Variants in KCNT1 observed in about 807,000 individuals in gnomAD.
The protein encoded by KCNT1 is potassium channel subfamily T member 1.
In KCNT1, 78 loss-of-function variants were observed where a neutral mutation model predicts 147.8. The ratio of observed to expected loss-of-function variants is 0.53; its 90% CI spans 0.44 to 0.64. The LOEUF (loss-of-function observed/expected upper bound fraction) is 0.64, where lower values mean the gene tolerates loss of function less well. Among genes scored for constraint, KCNT1 ranks in the 30% least tolerant of loss-of-function variants. The pLI is 0.00. For missense variants in KCNT1, 1,419 were observed against 1,750.3 expected (o/e 0.81, Z 3.38); for synonymous variants, 867 against 748.8 (o/e 1.16, Z -2.58).
At chr9:135,703,373 G>A (rs1033694992) in intron 1 of KCNT1, among the ~76,000 whole-genome samples, 6 of 152,302 alleles carry the variant, frequency 3.9e-5, no homozygotes, top group East Asian at 3.9e-4. Flanking sequence ...CAGTTTCCCC[G>A]AGTGTAAAAT....
chr9:135,723,357 A>C (rs1344333465), intron 2 of KCNT1, among the ~76,000 whole-genome samples: 1 of 152,194 alleles, frequency 6.6e-6, no homozygotes, highest in Non-Finnish European at 1.5e-5. Context: ...GTTCCAGGAG[A>C]TATCGTCCAT....
chr9:135,749,406 C>A (rs868185274), intron 2 of KCNT1, among the ~76,000 whole-genome samples: 13 of 152,316 alleles, frequency 8.5e-5, no homozygotes, highest in African/African-American at 2.6e-4. Flanking sequence ...GGGTGGTAGG[C>A]CCCATGAGCA....
At chr9:135,760,728 C>T (rs184682255) in intron 11 of KCNT1, among the ~76,000 whole-genome samples, 15 of 152,360 alleles carry the variant, frequency 9.8e-5, no homozygotes, top group African/African-American at 3.6e-4. Flanking sequence ...AGCTGTGGCA[C>T]CAGCTGTACG....
At position 135,726,276 on chromosome 9, in the gene KCNT1, C is replaced by T. The variant is rs905696202; in HGVS notation, c.254+11556C>T. On this transcript the variant is annotated intron_variant, in intron 2 of 30. Transcript: ENST00000371757. ...TACGTGGCACAGGGCCAGCAGCCCC[C>T]GGGGGAGACTCCCGGCCTGCAGGGC... Among the ~76,000 whole-genome samples the T allele has an allele frequency of 8.5e-5, 13 of 152,106 alleles. No homozygotes were observed. In the South Asian group the frequency reaches 1.0e-3, roughly 12 times the overall value.
intron 29 of KCNT1, 143 bp from the exon 30 acceptor site, chr9:135,791,654 A>C (rs1253991937): frequency 6.9e-6 from 5 of 720,178 alleles, no homozygotes; most frequent in Non-Finnish European, 1.2e-5. Context: ...GGCTGGGCTC[A>C]CCAGGATGAG....
rs1334299831 is a variant in KCNT1 at position 135,714,908 on chromosome 9, G to A, written c.254+188G>A. Among the ~76,000 whole-genome samples, 1 of 152,222 alleles carries A rather than the reference G, an allele frequency of 6.6e-6. No individual in the cohort carries two copies. The highest frequency in any genetic ancestry group is 2.4e-5 in the African/African-American group (1 of 41,464). ...CGGGCAGGGGGAAGCATCTTCTCGG[G>A]AGGGGGTCTCCGGAGGAGGGCGCGG... On this transcript the variant is annotated intron_variant, in intron 2 of 30. Transcript: ENST00000371757. The surrounding 1 kb of genome is among the most constrained non-coding windows in gnomAD (Gnocchi z 6.2).
rs1832162607 is a variant in KCNT1, at chr9:135,765,059, A to G, written c.1064A>G (p.Glu355Gly). 6.2e-7 allele frequency: 1 copy of G among 1,612,748 alleles called. No homozygotes were observed. The highest frequency in any genetic ancestry group is 1.3e-5 in the African/African-American group (1 of 74,892). The change falls in exon 12 of 31, where the codon GAG (glutamate) becomes GGG (glycine). Residue 355 changes from glutamate (E) to glycine (G), a missense_variant. Physicochemically the swap from Glu to Gly is moderately conservative, Grantham distance 98. This residue lies in a region of KCNT1 where 401 missense variants were observed against 610.6 expected (regional missense o/e 0.66). Coordinates refer to ENST00000371757, the MANE Select transcript of KCNT1 (RefSeq NM_020822.3). ...GAGGAGCTCGTCTACCTCTGGATGGAGCGGCAGAAGTCAGGGGGCAACTAC... is the reference window on the plus strand; with the variant it reads ...GAGGAGCTCGTCTACCTCTGGATGGGGCGGCAGAAGTCAGGGGGCAACTAC... ...QFEELVYLWM[E>G]RQKSGGNYSR...
intron 2 of KCNT1, among the ~76,000 whole-genome samples, chr9:135,721,173 C>T (rs1289992557): frequency 6.6e-6 from 1 of 152,162 alleles, no homozygotes; most frequent in African/African-American, 2.4e-5. Context: ...CCAACGCTCT[C>T]GGCCTGAGCT....
At chr9:135,773,105 G>A (rs1254423520) in intron 19 of KCNT1, among the ~76,000 whole-genome samples, 156 bp downstream of exon 19, 5 of 152,206 alleles carry the variant, frequency 3.3e-5, no homozygotes, top group African/African-American at 7.2e-5. Context: ...GAAATCTTCA[G>A]GGGGCCCAAC....
At chr9:135,771,310 G>GACCA (rs1564372028) in intron 18 of KCNT1, 68 of 603,440 alleles carry the variant, frequency 1.1e-4, no homozygotes, top group Middle Eastern at 4.3e-4. Context: ...AGACCAGACC[G>GACCA]GGCAGGGCAG....
At chr9:135,785,088 C>T (rs961309693) in intron 27 of KCNT1, among the ~76,000 whole-genome samples, 199 bp downstream of exon 27, 9 of 152,222 alleles carry the variant, frequency 5.9e-5, no homozygotes, top group African/African-American at 1.7e-4. Flanking sequence ...CGTGTGCCCA[C>T]GTGTAGCGCT....
chr9:135,787,687 C>T (rs1834172909), intron 29 of KCNT1, among the ~76,000 whole-genome samples: 1 of 152,212 alleles, frequency 6.6e-6, no homozygotes, highest in Non-Finnish European at 1.5e-5. Context: ...TTTCCCGGCC[C>T]CCAGCCCTGT....
rs185163618 is a variant in KCNT1, at chr9:135,792,876, A to G, written c.*715A>G. 1.3e-5 allele frequency: 2 copies of G among 152,296 alleles called. No homozygotes were observed. Among genetic ancestry groups the G allele is most frequent in the Admixed American group, 6.5e-5 (1 of 15,306 alleles). 9.4% of individuals were successfully genotyped at this position (152,296 alleles called of 1,614,324 possible). Reference sequence around the variant, plus strand: ...GTCCCAGCCACTGCATCTAGGGGGCATTGGGCGGAAGATGGTGCATTTCCA... The same window carrying G: ...GTCCCAGCCACTGCATCTAGGGGGCGTTGGGCGGAAGATGGTGCATTTCCA... On this transcript the variant is annotated 3_prime_UTR_variant, in exon 31 of 31. Coordinates refer to ENST00000371757, the MANE Select transcript of KCNT1 (RefSeq NM_020822.3).
chr9:135,739,242 T>A (rs1830460315), intron 2 of KCNT1, among the ~76,000 whole-genome samples: 1 of 151,970 alleles, frequency 6.6e-6, no homozygotes, highest in Non-Finnish European at 1.5e-5. Flanking sequence ...GGCACCTCTC[T>A]TTGACCCCAG....
At chr9:135,727,519 T>C (rs1836267896) in intron 2 of KCNT1, among the ~76,000 whole-genome samples, 1 of 151,570 alleles carries the variant, frequency 6.6e-6, no homozygotes, top group African/African-American at 2.4e-5. Context: ...CCACAGTGAT[T>C]AGTCAAGGCC....
chr9:135,753,790 G>C (rs1192451310), intron 4 of KCNT1, 147 bp from the exon 5 acceptor site: 9 of 741,654 alleles, frequency 1.2e-5, no homozygotes, highest in African/African-American at 3.4e-5. Flanking sequence ...TTGTCTCCCA[G>C]GTGTTAGAGC....
At chr9:135,754,604 C>T (rs1441422258) in intron 5 of KCNT1, among the ~76,000 whole-genome samples, 1 of 152,198 alleles carries the variant, frequency 6.6e-6, no homozygotes, top group African/African-American at 2.4e-5. Context: ...AGCAGATGGC[C>T]CCCTGCAGCC....
intron 4 of KCNT1, among the ~76,000 whole-genome samples, chr9:135,751,735 G>C (rs1311572127): frequency 7.2e-5 from 11 of 152,216 alleles, no homozygotes; most frequent in African/African-American, 2.7e-4. Context: ...GACATCAGCA[G>C]GGCCCTGCGG....
At chr9:135,739,550 C>T (rs1056930414) in intron 2 of KCNT1, among the ~76,000 whole-genome samples, 37 of 152,272 alleles carry the variant, frequency 2.4e-4, no homozygotes, top group African/African-American at 8.4e-4. Flanking sequence ...CCCCCCTCAC[C>T]CCGGGCACAC....
Sources: allele counts gnomAD v4.1 joint callset (sites outside exome capture counted in the v4.1 genomes callset), GRCh38; gene constraint gnomAD v4.1.1; regional missense constraint gnomAD v4.1.1; non-coding constraint Gnocchi (gnomAD v3.1); transcripts MANE v1.5; gene names NCBI Gene and HGNC (gene_info 2026-07-23, HGNC 2026-07-21).